The following IGDCC4 variants were observed in gnomAD, a reference collection of about 807,000 sequenced individuals.
IGDCC4 encodes immunoglobulin superfamily DCC subclass member 4, also known as likely ortholog of mouse neighbor of Punc E11.
A neutral mutation model predicts 116.6 loss-of-function variants in IGDCC4; 72 were observed. The ratio of observed to expected loss-of-function variants is 0.62; its 90% confidence interval spans 0.51 to 0.75. The LOEUF is 0.75. Ranked by LOEUF, IGDCC4 falls within the 30% of genes least tolerant of loss-of-function variation. IGDCC4 has a pLI of 0.00. For missense variants in IGDCC4, 1,501 were observed against 1,662.4 expected, an observed-to-expected ratio of 0.90 and a Z score of 1.69; for synonymous variants, 709 against 719.9, an observed-to-expected ratio of 0.98 and a Z score of 0.24.
chr15:65,403,215 T>C (rs2140221171), intron 3 of IGDCC4, among the ~76,000 whole-genome samples: 1 of 152,306 alleles, frequency 6.6e-6, no homozygotes, highest in East Asian at 1.9e-4. Context: ...CAATGGAATG[T>C]TAGGCAGCTG....
chr15:65,384,913 C>T lies in IGDCC4; in HGVS notation c.3342+41G>A. The stretch of plus-strand genomic sequence containing the variant: ...TACTTCCTCTTCACAAGCACAGAGA[C>T]CCTTTCCTCCTTTCCTGCCCCTTCC... On this transcript the variant is annotated intron_variant, in intron 19 of 19. Coordinates refer to ENST00000352385, the MANE Select transcript of IGDCC4 (RefSeq NM_020962.3). The surrounding 1 kb of genome is among the most constrained non-coding windows in gnomAD (Gnocchi z 4.9). The T allele has an allele frequency of 6.3e-7, 1 of 1,576,870 alleles. No homozygotes were observed. The highest frequency in any genetic ancestry group is 8.5e-7 in the Non-Finnish European group (1 of 1,170,450).
At chr15:65,403,736 C>T (rs2063013400) in intron 3 of IGDCC4, among the ~76,000 whole-genome samples, 1 of 152,186 alleles carries the variant, frequency 6.6e-6, no homozygotes, top group Non-Finnish European at 1.5e-5. Context: ...CAAGCAGACC[C>T]AGCCAACACG....
Position 65,390,411 on chromosome 15 carries a change from G to A in IGDCC4, c.2225-73C>T. ...CCTTAAATATGTATAGTGGTTTACA[G>A]TTCCCAAGGCTGTTTCTTTGACCCA... On this transcript the variant is annotated intron_variant, in intron 12 of 19. Coordinates refer to ENST00000352385, the MANE Select transcript of IGDCC4 (RefSeq NM_020962.3). 1.5e-6 allele frequency: 2 copies of A among 1,291,924 alleles called. 1 individual carries two copies. The highest frequency in any genetic ancestry group is 3.6e-5 in the South Asian group (2 of 55,088). The allele number at this position is 1,291,924 out of a possible 1,614,324, so 80.0% of individuals were successfully genotyped here. A position where few individuals can be genotyped will look rare whatever the true frequency, so the allele number is the denominator to read the frequency against.
At chr15:65,386,517 C>T in intron 17 of IGDCC4, 34 bp downstream of exon 17, 1 of 1,532,160 alleles carries the variant, frequency 6.5e-7, no homozygotes, top group South Asian at 1.2e-5. Flanking sequence ...TGGAAGTCTC[C>T]CTTCCCTGAA....
rs546612952 is a variant in IGDCC4 at position 65,401,041 on chromosome 15, C to T, written c.701-95G>A. The T allele has an allele frequency of 1.7e-4, 250 of 1,508,428 alleles. 3 individuals are homozygous for T. The South Asian group carries it at 2.0e-3, about 12-fold the overall frequency. 93.4% of individuals were successfully genotyped at this position (1,508,428 alleles called of 1,614,324 possible). A position where few individuals can be genotyped will look rare whatever the true frequency, so the allele number is the denominator to read the frequency against. On this transcript the variant is annotated intron_variant, in intron 4 of 19. Coordinates refer to ENST00000352385, the MANE Select transcript of IGDCC4 (RefSeq NM_020962.3). Reference sequence around the variant, plus strand: ...TCACAGTAACCTGGTGAGGTGGTACCGGGGACAGCAGCAATGATTCCATCT... The same window carrying T: ...TCACAGTAACCTGGTGAGGTGGTACTGGGGACAGCAGCAATGATTCCATCT...
At chr15:65,392,075 C>T (rs2062871742) in intron 11 of IGDCC4, 59 bp downstream of exon 11, 9 of 1,538,980 alleles carry the variant, frequency 5.8e-6, no homozygotes, top group Non-Finnish European at 7.9e-6. Flanking sequence ...CTTCACACAA[C>T]TTGCCCAGTC....
At chr15:65,401,476 G>T (rs977349393) in intron 4 of IGDCC4, among the ~76,000 whole-genome samples, 2 of 152,164 alleles carry the variant, frequency 1.3e-5, no homozygotes, top group African/African-American at 4.8e-5. Flanking sequence ...TGGGTGGAGT[G>T]GTGAATATCT....
chr15:65,394,318 A>T, intron 9 of IGDCC4, 93 bp downstream of exon 9: 1 of 1,566,098 alleles, frequency 6.4e-7, no homozygotes, highest in Non-Finnish European at 8.6e-7. Flanking sequence ...CTTTCCTCCG[A>T]CTCCCGTACC....
intron 14 of IGDCC4, 63 bp downstream of exon 14, chr15:65,389,221 T>C (rs2140194133): frequency 6.3e-7 from 1 of 1,590,990 alleles, no homozygotes; most frequent in East Asian, 2.2e-5. Context: ...TGTTTCTTGC[T>C]GCTGGGGCAA....
intron 1 of IGDCC4, among the ~76,000 whole-genome samples, chr15:65,420,611 A>T (rs1358261433): frequency 6.6e-6 from 1 of 151,382 alleles, no homozygotes; most frequent in African/African-American, 2.4e-5. Context: ...ATACTCCCTG[A>T]CCCCTTTCCA....
intron 3 of IGDCC4, among the ~76,000 whole-genome samples, chr15:65,405,203 G>T (rs113546394): frequency 6.6e-6 from 1 of 151,442 alleles, no homozygotes; most frequent in African/African-American, 2.4e-5. Context: ...GTTATATTAG[G>T]ATATACATAG....
At chr15:65,407,047 C>T (rs569557183) in intron 3 of IGDCC4, among the ~76,000 whole-genome samples, 1 of 152,070 alleles carries the variant, frequency 6.6e-6, no homozygotes, top group Non-Finnish European at 1.5e-5. Flanking sequence ...CCGCACCCAG[C>T]CACCAAATGA....
intron 3 of IGDCC4, among the ~76,000 whole-genome samples, chr15:65,402,697 G>A (rs537540420): frequency 1.6e-4 from 24 of 152,238 alleles, no homozygotes; most frequent in African/African-American, 4.3e-4. Flanking sequence ...GAGAAACCCC[G>A]TCTCTACTAA....
chr15:65,392,103 C>A, intron 11 of IGDCC4, 31 bp downstream of exon 11: 1 of 1,495,588 alleles, frequency 6.7e-7, no homozygotes, highest in South Asian at 1.2e-5. Context: ...AAGCTACATC[C>A]CTCCCTCCCC....
At position 65,385,851 on chromosome 15, in the gene IGDCC4, G is replaced by A. The variant is rs1232612848; in HGVS notation, c.3160C>T (p.Arg1054Trp). 1 of 1,612,376 alleles carries A rather than the reference G, an allele frequency of 6.2e-7. No individual in the cohort carries two copies. Among genetic ancestry groups the A allele is most frequent in the Non-Finnish European group, 8.5e-7 (1 of 1,179,898 alleles). Reference protein sequence around the residue: ...SLMGGGVSEGRSHSKRKISWA... With the variant: ...SLMGGGVSEGWSHSKRKISWA... Reference sequence around the variant, plus strand: ...CTTACCTTTCTTTTGGAGTGACTCCGGCCTTCAGAAACACCGCCACCCATA... The same window carrying A: ...CTTACCTTTCTTTTGGAGTGACTCCAGCCTTCAGAAACACCGCCACCCATA... Residue 1054 changes from arginine to tryptophan, a missense_variant, in exon 18 of 20, where the codon CGG (arginine) becomes TGG (tryptophan). Physicochemically the swap from Arg to Trp is moderately radical, Grantham distance 101. Around this residue, in one of 3 missense-constraint regions of IGDCC4, gnomAD observed 368 missense variants for 355.6 expected, o/e 1.03. Transcript: ENST00000352385.
In IGDCC4 at chr15:65,390,317, G is replaced by A; in HGVS notation, c.2246C>T (p.Pro749Leu). 6.2e-7 allele frequency: 1 copy of A among 1,605,134 alleles called. No individual in the cohort carries two copies. The highest frequency in any genetic ancestry group is 1.1e-5 in the South Asian group (1 of 90,570). The stretch of plus-strand genomic sequence containing the variant: ...ATGGACGTGGGCTGGAGGCAGGGGT[G>A]GTCCCCTCTGGATAGGCATGTCTGA... ...PAPDMPIQRGPPLPPAHVHAE... is the reference protein window; with the variant it reads ...PAPDMPIQRGLPLPPAHVHAE... The change falls in exon 13 of 20, where the codon CCA (proline) becomes CTA (leucine). Residue 749 changes from proline to leucine, a missense_variant. Pro to Leu is a moderately conservative substitution (Grantham distance 98). Coordinates refer to ENST00000352385, the MANE Select transcript of IGDCC4 (RefSeq NM_020962.3).
rs770862778 is a variant in IGDCC4 at position 65,383,121 on chromosome 15, C to T, written c.*888G>A. 9 of 152,158 alleles carry T rather than the reference C, an allele frequency of 5.9e-5. No homozygotes were observed. Among genetic ancestry groups the T allele is most frequent in the Non-Finnish European group, 8.8e-5 (6 of 68,326 alleles). The allele number at this position is 152,158 out of a possible 1,614,324, so 9.4% of individuals were successfully genotyped here. A position where few individuals can be genotyped will look rare whatever the true frequency, so the allele number is the denominator to read the frequency against. ...ATGGCAGGCGAGTGCGCGGCAGCCG[C>T]GGATACAGGAAGGGCACGGGGGCCT... is the stretch of plus-strand genomic sequence containing the variant. On this transcript the variant is annotated 3_prime_UTR_variant, in exon 20 of 20. Transcript: ENST00000352385.
At chr15:65,398,116 A>T (rs1232572518) in intron 5 of IGDCC4, among the ~76,000 whole-genome samples, 1 of 152,204 alleles carries the variant, frequency 6.6e-6, no homozygotes, top group Non-Finnish European at 1.5e-5. Context: ...GGCATAGAAA[A>T]ACCTGAAAGA....
intron 10 of IGDCC4, 133 bp from the exon 11 acceptor site, chr15:65,392,503 C>A: frequency 1.5e-6 from 1 of 664,574 alleles, no homozygotes; most frequent in Non-Finnish European, 2.5e-6. Flanking sequence ...GAGCCTTTTG[C>A]CAGCATTCTC....
Sources: gnomAD v4.1 joint callset for allele counts (sites outside exome capture counted in the v4.1 genomes callset) on GRCh38, gnomAD v4.1.1 for gene constraint, gnomAD v4.1.1 regional missense constraint, Gnocchi (gnomAD v3.1) non-coding constraint, MANE v1.5 for transcripts, NCBI Gene and HGNC (gene_info 2026-07-23, HGNC 2026-07-21) for gene names.